The following CC2D1B variants were observed in gnomAD, a reference collection of about 807,000 sequenced individuals.
The protein encoded by CC2D1B is coiled-coil and C2 domain-containing protein 1B.
In CC2D1B, 92 loss-of-function variants were observed where a neutral mutation model predicts 110.8. The observed-to-expected ratio is 0.83, with a 90% confidence interval of 0.70 to 0.99. The LOEUF (loss-of-function observed/expected upper bound fraction) is 0.99, where lower values mean the gene tolerates loss of function less well. CC2D1B is among the 50% of genes least tolerant of loss of function. The pLI, the probability that CC2D1B is intolerant of heterozygous loss-of-function variation, is 0.00. For missense variants in CC2D1B, 1,136 were observed against 1,089.0 expected (o/e 1.04, Z -0.61); for synonymous variants, 406 against 429.2 (o/e 0.95, Z 0.67).
Position 52,359,132 on chromosome 1 carries a change from C to T in CC2D1B, c.1152G>A (p.Val384=). 1 of 1,611,150 alleles carries T rather than the reference C, an allele frequency of 6.2e-7. No homozygotes were observed. Among genetic ancestry groups the T allele is most frequent in the Non-Finnish European group, 8.5e-7 (1 of 1,180,010 alleles). Reference sequence around the variant, plus strand: ...TCAGCCTCTGCTGCAGGGCATCCAGCACTGTCTGTGACTCTGTAGGGGCCA... The same window carrying T: ...TCAGCCTCTGCTGCAGGGCATCCAGTACTGTCTGTGACTCTGTAGGGGCCA... ...TPVAPTESQT[V]LDALQQRLNK... Residue 384 remains valine, a synonymous_variant, in exon 11 of 25, where the codon GTG becomes GTA. Transcript: ENST00000284376.
Position 52,362,777 on chromosome 1 carries a change from C to T in CC2D1B, c.70-31G>A, listed in dbSNP as rs751420687. ...AGCAGAGCAGGACTCTTAGGAACCA[C>T]ACAACAAGCAGGGTAGGGTCCAGCT... is the stretch of plus-strand genomic sequence containing the variant. On this transcript the variant is annotated intron_variant, in intron 2 of 24. Coordinates refer to ENST00000284376, the MANE Select transcript of CC2D1B (RefSeq NM_001330585.2). The T allele has an allele frequency of 8.1e-6, 13 of 1,611,806 alleles. No homozygotes were observed. In the South Asian group the frequency reaches 1.1e-4, roughly 14 times the overall value.
At chr1:52,356,330 T>C in intron 17 of CC2D1B, 28 bp from the exon 18 acceptor site, 1 of 1,613,794 alleles carries the variant, frequency 6.2e-7, no homozygotes. Flanking sequence ...GTCAGCATGA[T>C]GGTGGATTTT....
In CC2D1B at chr1:52,358,908, A is replaced by G. The variant is rs563495063; in HGVS notation, c.1257+119T>C. 251 of 1,483,752 alleles carry G rather than the reference A, an allele frequency of 1.7e-4. 4 individuals are homozygous for G. The South Asian group carries it at 3.0e-3, about 18-fold the overall frequency. The allele number at this position is 1,483,752 out of a possible 1,614,324, so 91.9% of individuals were successfully genotyped here. A position where few individuals can be genotyped will look rare whatever the true frequency, so the allele number is the denominator to read the frequency against. On this transcript the variant is annotated intron_variant, in intron 11 of 24. Transcript: ENST00000284376. ...AGATCCCTAAGGCAGCAAGAGCCCC[A>G]GAGAGACAAACAGATGATGGTTCAG...
rs769256266 is a variant in CC2D1B at position 52,354,603 on chromosome 1, C to T, written c.2430+5G>A. On this transcript the variant is annotated splice_donor_5th_base_variant and intron_variant, in intron 23 of 24. Coordinates refer to ENST00000284376, the MANE Select transcript of CC2D1B (RefSeq NM_001330585.2). Reference sequence around the variant, plus strand: ...CCTTTGGCTTGCCCACACCCCAGCCCCTACCTCCACAATTTCTCTGATCTC... The same window carrying T: ...CCTTTGGCTTGCCCACACCCCAGCCTCTACCTCCACAATTTCTCTGATCTC... 3 of 1,613,958 alleles carry T rather than the reference C, an allele frequency of 1.9e-6. No individual in the cohort carries two copies. Among genetic ancestry groups the T allele is most frequent in the Middle Eastern group, 1.7e-4 (1 of 6,060 alleles).
At position 52,354,685 on chromosome 1, in the gene CC2D1B, T is replaced by C; in HGVS notation, c.2353A>G (p.Ser785Gly). ...EIFHKGSFFR[S>G]DKLVGTAHLK... ...TGTGCTGTGCCAACCAGCTTGTCGC[T>C]TCTGAAGAAGGACCTGGGGAGTCAA... The change falls in exon 23 of 25, where the codon AGC becomes GGC. Residue 785 changes from serine (S) to glycine (G), a missense_variant. By Grantham distance (56) the Ser-to-Gly change is moderately conservative (BLOSUM62 0). Coordinates refer to ENST00000284376, the MANE Select transcript of CC2D1B (RefSeq NM_001330585.2). 6.2e-7 allele frequency: 1 copy of C among 1,614,168 alleles called. No homozygotes were observed. Among genetic ancestry groups the C allele is most frequent in the Non-Finnish European group, 8.5e-7 (1 of 1,180,036 alleles).
intron 14 of CC2D1B, 26 bp downstream of exon 14, chr1:52,357,755 C>A: frequency 6.3e-7 from 1 of 1,599,526 alleles, no homozygotes; most frequent in Non-Finnish European, 8.5e-7. Context: ...GCCCTCAGTT[C>A]TTCACCCTGC....
At chr1:52,359,572 G>A in intron 8 of CC2D1B, 38 bp from the exon 9 acceptor site, 3 of 1,606,982 alleles carry the variant, frequency 1.9e-6, no homozygotes, top group Non-Finnish European at 1.7e-6. Flanking sequence ...GTGAAAGACA[G>A]GGGACCCCAA....
Position 52,354,907 on chromosome 1 carries a change from G to A in CC2D1B, c.2272C>T (p.Arg758Ter), listed in dbSNP as rs976680734. Residue 758 changes from arginine to a stop codon, truncating the protein, a stop_gained, in exon 22 of 25, where the codon CGA (arginine) becomes TGA (stop). Coordinates refer to ENST00000284376, the MANE Select transcript of CC2D1B (RefSeq NM_001330585.2). LOFTEE classifies it high-confidence loss of function. ...FDQLFKLNIN[R>*]NHRGFKRVIQ... Reference sequence around the variant, plus strand: ...ACCCTCTTGAAGCCCCGGTGGTTTCGGTTGATGTTTAGTTTGAAGAGTTGA... The same window carrying A: ...ACCCTCTTGAAGCCCCGGTGGTTTCAGTTGATGTTTAGTTTGAAGAGTTGA... The A allele has an allele frequency of 2.4e-5, 39 of 1,614,124 alleles. No individual in the cohort carries two copies. Among genetic ancestry groups the A allele is most frequent in the South Asian group, 5.5e-5 (5 of 91,078 alleles).
chr1:52,353,724 AAAG>A, intron 23 of CC2D1B, 77 bp from the exon 24 acceptor site: 1 of 1,112,038 alleles, frequency 9.0e-7, no homozygotes, highest in East Asian at 2.6e-5. Flanking sequence ...CATTCCCAGG[AAAG>A]AAGTGAGAGG....
chr1:52,357,163 C>A, intron 15 of CC2D1B, 37 bp from the exon 16 acceptor site: 1 of 1,610,460 alleles, frequency 6.2e-7, no homozygotes, highest in South Asian at 1.1e-5. Flanking sequence ...CCCCAAGAGT[C>A]AGATTACTCC....
intron 2 of CC2D1B, among the ~76,000 whole-genome samples, chr1:52,363,032 G>A (rs959941575): frequency 6.6e-6 from 1 of 152,208 alleles, no homozygotes; most frequent in African/African-American, 2.4e-5. Context: ...CTGCCATCAT[G>A]CACTGTTCTT....
At position 52,360,098 on chromosome 1, in the gene CC2D1B, G is replaced by C; in HGVS notation, c.739C>G (p.Pro247Ala). The stretch of plus-strand genomic sequence containing the variant: ...CCTGACTCCAAGGCAGGGGGAGCTG[G>C]AGGGTCTGTCTCAGGGCTCCTGTTG... ...PANRSPETDP[P>A]APPALESDNP... is the part of the protein sequence containing the mutation. Residue 247 changes from proline (P) to alanine (A), a missense_variant, in exon 7 of 25, where the codon CCA (proline) becomes GCA (alanine). By Grantham distance (27) the Pro-to-Ala change is conservative. Coordinates refer to ENST00000284376, the MANE Select transcript of CC2D1B (RefSeq NM_001330585.2). 7 of 1,593,054 alleles carry C rather than the reference G, an allele frequency of 4.4e-6. No individual in the cohort carries two copies. The highest frequency in any genetic ancestry group is 2.3e-5 in the South Asian group (2 of 87,654).
Position 52,354,951 on chromosome 1 carries a change from G to A in CC2D1B, c.2240-12C>T, listed in dbSNP as rs1438025641. 6.2e-6 allele frequency: 10 copies of A among 1,608,626 alleles called. No homozygotes were observed. The highest frequency in any genetic ancestry group is 1.3e-5 in the African/African-American group (1 of 74,824). ...GAGTTGATCAAATTCTGGCAAAGGG[G>A]GAGAAAGCAAGGAGGGGCTTGGCTC... is the stretch of plus-strand genomic sequence containing the variant. On this transcript the variant is annotated splice_polypyrimidine_tract_variant and intron_variant, in intron 21 of 24. Transcript: ENST00000284376.
intron 9 of CC2D1B, 35 bp downstream of exon 9, chr1:52,359,424 C>T (rs1243232587): frequency 1.2e-6 from 2 of 1,613,382 alleles, no homozygotes; most frequent in Admixed American, 1.7e-5. Flanking sequence ...TACTCCTCCC[C>T]AACCCCACCG....
At chr1:52,358,109 G>T in intron 13 of CC2D1B, 1 of 886,686 alleles carries the variant, frequency 1.1e-6, no homozygotes, top group African/African-American at 1.7e-5. Context: ...AGAGACTGCA[G>T]GGTAATGGGG....
At chr1:52,360,702 A>G in intron 5 of CC2D1B, 153 bp from the exon 6 acceptor site, 1 of 1,160,738 alleles carries the variant, frequency 8.6e-7, no homozygotes, top group Non-Finnish European at 1.2e-6. Context: ...GGCTCACTGG[A>G]GAGGCCAGAG....
chr1:52,354,326 T>G (rs1435422200), intron 23 of CC2D1B: 2 of 626,298 alleles, frequency 3.2e-6, no homozygotes. Context: ...CGGACCTGAG[T>G]TTCCTCATTT....
rs377157935 is a variant in CC2D1B at position 52,356,233 on chromosome 1, G to A, written c.2007C>T (p.Leu669=). 6 of 1,613,982 alleles carry A rather than the reference G, an allele frequency of 3.7e-6. No individual in the cohort carries two copies. The highest frequency in any genetic ancestry group is 1.1e-5 in the South Asian group (1 of 91,080). ...ACTCAAAGTGGTGGGTGGGAGGGTC[G>A]AGGCCCTGAGCCTGGGCCAGCTGCA... ...EILQLAQAQG[L]DPPTHHFELK... is the part of the protein sequence containing the mutation. The change falls in exon 18 of 25, where the codon CTC becomes CTT. Residue 669 remains leucine, a synonymous_variant. Coordinates refer to ENST00000284376, the MANE Select transcript of CC2D1B (RefSeq NM_001330585.2).
At chr1:52,362,770 G>T (rs1342302500) in intron 2 of CC2D1B, 24 bp from the exon 3 acceptor site, 3 of 1,613,008 alleles carry the variant, frequency 1.9e-6, no homozygotes, top group Non-Finnish European at 2.5e-6. Context: ...AGGACTCTTA[G>T]GAACCACACA....
Sources: allele counts gnomAD v4.1 joint callset (sites outside exome capture counted in the v4.1 genomes callset), GRCh38; gene constraint gnomAD v4.1.1; transcripts MANE v1.5; gene names NCBI Gene and HGNC (gene_info 2026-07-23, HGNC 2026-07-21).